The following MTUS2 variants were observed in gnomAD, a reference collection of about 807,000 sequenced individuals.
The protein encoded by MTUS2 is microtubule associated scaffold protein 2.
A neutral mutation model predicts 114.1 loss-of-function variants in MTUS2; 40 were observed. That is an observed-to-expected ratio of 0.35 (90% CI 0.27 to 0.46). The LOEUF (loss-of-function observed/expected upper bound fraction) is 0.46, where lower values mean the gene tolerates loss of function less well. MTUS2 is among the 20% of genes least tolerant of loss of function. The pLI, the probability that MTUS2 is intolerant of heterozygous loss-of-function variation, is 1.00. For synonymous variants in MTUS2, 688 were observed against 672.0 expected (o/e 1.02, Z -0.37); for missense variants, 1,679 against 1,705.4 (o/e 0.98, Z 0.27).
intron 9 of MTUS2, among the ~76,000 whole-genome samples, chr13:29,441,172 A>G (rs539385583): frequency 3.3e-5 from 5 of 152,034 alleles, no homozygotes; most frequent in Admixed American, 3.3e-4. Flanking sequence ...TGCTGCAGGG[A>G]CACCTACACC....
intron 2 of MTUS2, among the ~76,000 whole-genome samples, chr13:29,015,832 C>T (rs1163672072): frequency 2.0e-5 from 3 of 151,938 alleles, no homozygotes; most frequent in Admixed American, 6.6e-5. Context: ...GAACTCATTC[C>T]ATGTGTATAA....
At chr13:28,931,127 G>A (rs1477495021) in intron 2 of MTUS2, among the ~76,000 whole-genome samples, 1 of 152,176 alleles carries the variant, frequency 6.6e-6, no homozygotes, top group East Asian at 1.9e-4. Flanking sequence ...ACGCTCATTG[G>A]AGCACACTTC....
intron 7 of MTUS2, among the ~76,000 whole-genome samples, chr13:29,348,176 CT>C: frequency 6.6e-6 from 1 of 152,262 alleles, no homozygotes; most frequent in Middle Eastern, 3.4e-3. Flanking sequence ...ATGGCTTGGT[CT>C]TTTTGGTGAC....
At chr13:28,880,833 T>C (rs1257135545) in intron 2 of MTUS2, among the ~76,000 whole-genome samples, 1 of 152,202 alleles carries the variant, frequency 6.6e-6, no homozygotes, top group Non-Finnish European at 1.5e-5. Context: ...GCATGGTCTC[T>C]TTTTGAGAGA....
intron 8 of MTUS2, among the ~76,000 whole-genome samples, chr13:29,435,705 G>A (rs1877354273): frequency 2.0e-5 from 3 of 152,190 alleles, no homozygotes; most frequent in South Asian, 2.1e-4. Flanking sequence ...GTGGTACTAC[G>A]TCATTCTGGT....
intron 4 of MTUS2, among the ~76,000 whole-genome samples, chr13:29,062,850 T>C (rs1888486396): frequency 6.6e-6 from 1 of 152,206 alleles, no homozygotes; most frequent in Admixed American, 6.5e-5. Context: ...GACCCTTGAG[T>C]CTTAACAGAT....
chr13:29,162,037 T>G (rs1279895358), intron 5 of MTUS2, among the ~76,000 whole-genome samples: 14 of 152,184 alleles, frequency 9.2e-5, no homozygotes, highest in Admixed American at 4.6e-4. Context: ...ACATCTCCAT[T>G]TAGATATCCG....
intron 7 of MTUS2, among the ~76,000 whole-genome samples, chr13:29,332,438 ATTCT>A (rs1468724661): frequency 2.6e-5 from 4 of 151,270 alleles, no homozygotes; most frequent in African/African-American, 9.7e-5. Flanking sequence ...CGTCTATTTG[ATTCT>A]TTCTTTTCTT....
At chr13:28,827,258 C>G (rs1003489220) in intron 1 of MTUS2, among the ~76,000 whole-genome samples, 2 of 152,122 alleles carry the variant, frequency 1.3e-5, no homozygotes, top group African/African-American at 4.8e-5. Flanking sequence ...GTGAACATGC[C>G]AAACATTAGG....
chr13:28,928,303 C>T (rs1054706142), intron 2 of MTUS2, among the ~76,000 whole-genome samples: 8 of 152,118 alleles, frequency 5.3e-5, no homozygotes, highest in African/African-American at 1.9e-4. Flanking sequence ...AAACAAGCAA[C>T]ATAGTGAATA....
chr13:28,865,282 A>G (rs541537114), intron 2 of MTUS2, among the ~76,000 whole-genome samples: 13 of 152,334 alleles, frequency 8.5e-5, no homozygotes, highest in African/African-American at 2.9e-4. Context: ...TGCAGGTGGT[A>G]CAGAGGTCCA....
At chr13:29,208,511 T>G (rs1895289575) in intron 5 of MTUS2, among the ~76,000 whole-genome samples, 1 of 152,088 alleles carries the variant, frequency 6.6e-6, no homozygotes, top group African/African-American at 2.4e-5. Flanking sequence ...CTCTAGTTTC[T>G]CGAGTTGTGA....
chr13:29,008,434 G>A (rs1163254970), intron 2 of MTUS2, among the ~76,000 whole-genome samples: 2 of 152,156 alleles, frequency 1.3e-5, no homozygotes, highest in Admixed American at 1.3e-4. Flanking sequence ...AATCTGAACT[G>A]GTTCATCTCT....
At chr13:29,268,212 C>T (rs1897740625) in intron 5 of MTUS2, among the ~76,000 whole-genome samples, 1 of 151,964 alleles carries the variant, frequency 6.6e-6, no homozygotes, top group Non-Finnish European at 1.5e-5. Context: ...GAATGAGTAG[C>T]AAGAATGAGG....
chr13:29,040,663 G>GT (rs976662790), intron 4 of MTUS2, among the ~76,000 whole-genome samples: 20 of 152,180 alleles, frequency 1.3e-4, no homozygotes, highest in Non-Finnish European at 2.8e-4. Flanking sequence ...TCTTGCAGGA[G>GT]TAAGGTGGTA....
At chr13:29,341,445 A>C (rs1232945145) in intron 7 of MTUS2, among the ~76,000 whole-genome samples, 4 of 151,698 alleles carry the variant, frequency 2.6e-5, no homozygotes, top group Admixed American at 1.3e-4. Flanking sequence ...CAATTTGTAT[A>C]ATTGAGAATT....
intron 5 of MTUS2, among the ~76,000 whole-genome samples, chr13:29,213,633 A>G (rs996330534): frequency 2.0e-5 from 3 of 151,978 alleles, no homozygotes; most frequent in Admixed American, 6.5e-5. Context: ...TACTTTTTTC[A>G]TTGTTAATAG....
Position 29,026,918 on chromosome 13 carries a change from T to C in MTUS2, c.2205+15T>C. On this transcript the variant is annotated intron_variant, in intron 3 of 15. Coordinates refer to ENST00000612955, the MANE Select transcript of MTUS2 (RefSeq NM_001033602.4). The stretch of plus-strand genomic sequence containing the variant: ...TTTTGCAGGAGGTAAGAGAATGTCA[T>C]TATGATATGGTCTATAAGTTGACTG... The C allele has an allele frequency of 6.4e-7, 1 of 1,570,862 alleles. No homozygotes were observed. The highest frequency in any genetic ancestry group is 8.6e-7 in the Non-Finnish European group (1 of 1,166,316).
At chr13:29,435,161 T>C (rs1488360562) in intron 8 of MTUS2, among the ~76,000 whole-genome samples, 3 of 152,148 alleles carry the variant, frequency 2.0e-5, no homozygotes, top group Admixed American at 6.5e-5. Flanking sequence ...TTTTGGGGCT[T>C]AGATAAATGT....
Sources: gnomAD v4.1 joint callset for allele counts (sites outside exome capture counted in the v4.1 genomes callset) on GRCh38, gnomAD v4.1.1 for gene constraint, MANE v1.5 for transcripts, NCBI Gene and HGNC (gene_info 2026-07-23, HGNC 2026-07-21) for gene names.